The following DGKB variants were observed in gnomAD, a reference collection of about 807,000 sequenced individuals.
DGKB encodes 90 kDa diacylglycerol kinase.
In DGKB, 67 loss-of-function variants were observed where a neutral mutation model predicts 114.3. The observed-to-expected ratio is 0.59, with a 90% confidence interval of 0.48 to 0.72. The LOEUF (loss-of-function observed/expected upper bound fraction) is 0.72, where lower values mean the gene tolerates loss of function less well. Ranked by LOEUF, DGKB falls within the 30% of genes least tolerant of loss-of-function variation. DGKB has a pLI of 0.00. For synonymous variants in DGKB, 398 were observed against 323.1 expected, an observed-to-expected ratio of 1.23 and a Z score of -2.49; for missense variants, 907 against 975.2, an observed-to-expected ratio of 0.93 and a Z score of 0.93.
chr7:14,519,376 T>TA (rs1171670342), intron 20 of DGKB, among the ~76,000 whole-genome samples: 3 of 152,116 alleles, frequency 2.0e-5, no homozygotes, highest in African/African-American at 7.2e-5. Flanking sequence ...TTCCTTCACT[T>TA]ACTATGATGC....
At chr7:14,277,691 C>T (rs944733933) in intron 23 of DGKB, among the ~76,000 whole-genome samples, 3 of 152,196 alleles carry the variant, frequency 2.0e-5, no homozygotes, top group Non-Finnish European at 4.4e-5. Flanking sequence ...GATTCCATAT[C>T]TTAACCACTG....
chr7:14,643,866 C>T (rs1812352125), intron 13 of DGKB, among the ~76,000 whole-genome samples: 1 of 152,144 alleles, frequency 6.6e-6, no homozygotes, highest in Non-Finnish European at 1.5e-5. Flanking sequence ...GGAATTGCTA[C>T]CACTTCAAGC....
intron 20 of DGKB, among the ~76,000 whole-genome samples, chr7:14,567,384 T>TATGA (rs1563535127): frequency 1.4e-4 from 5 of 35,296 alleles, no homozygotes; most frequent in South Asian, 8.5e-4. Flanking sequence ...TATTTATATA[T>TATGA]TATATATATA....
chr7:14,482,909 AT>A (rs11366983), intron 20 of DGKB, among the ~76,000 whole-genome samples: 73,690 of 151,840 alleles, frequency 0.49, 18,483 homozygotes, highest in East Asian at 0.86. Flanking sequence ...TGCTGGGTTG[AT>A]TAAATAGAGC....
intron 12 of DGKB, among the ~76,000 whole-genome samples, chr7:14,680,460 G>A (rs1004367974): frequency 9.2e-5 from 14 of 151,938 alleles, no homozygotes; most frequent in African/African-American, 3.4e-4. Flanking sequence ...CTCTTTTCCT[G>A]TAAGGCTAGG....
chr7:14,893,021 GTAGA>G (rs1221284563), intron 1 of DGKB, among the ~76,000 whole-genome samples: 3 of 150,778 alleles, frequency 2.0e-5, no homozygotes, highest in South Asian at 4.2e-4. Flanking sequence ...TACACTTTTC[GTAGA>G]TATTTAAACA....
chr7:14,745,972 C>T (rs1479072357), intron 4 of DGKB, among the ~76,000 whole-genome samples: 1 of 152,188 alleles, frequency 6.6e-6, no homozygotes, highest in Admixed American at 6.5e-5. Flanking sequence ...GTATAGTTCT[C>T]TCTGGCTCAG....
chr7:14,806,266 T>C (rs1401676631), intron 2 of DGKB, among the ~76,000 whole-genome samples: 2 of 152,086 alleles, frequency 1.3e-5, no homozygotes, highest in Non-Finnish European at 2.9e-5. Flanking sequence ...CCAATTGATA[T>C]TTGAATGGTT....
chr7:14,389,282 G>T (rs942470713), intron 21 of DGKB, among the ~76,000 whole-genome samples: 4 of 152,146 alleles, frequency 2.6e-5, no homozygotes, highest in Admixed American at 1.3e-4. Flanking sequence ...CATAGAAAAT[G>T]CTCCATGTGA....
chr7:14,698,039 A>G (rs563822408), intron 8 of DGKB, 56 bp downstream of exon 8: 63 of 885,868 alleles, frequency 7.1e-5, no homozygotes, highest in Admixed American at 2.5e-4. Flanking sequence ...AAGAAAGAAA[A>G]GAAAGAAAGA....
intron 23 of DGKB, among the ~76,000 whole-genome samples, chr7:14,332,413 G>C (rs544481705): frequency 1.3e-5 from 2 of 150,970 alleles, no homozygotes; most frequent in African/African-American, 4.9e-5. Context: ...GAGTGATTAA[G>C]CTTAAGTATT....
At chr7:14,898,351 T>G (rs1782446549) in intron 1 of DGKB, among the ~76,000 whole-genome samples, 2 of 151,898 alleles carry the variant, frequency 1.3e-5, no homozygotes, top group South Asian at 4.1e-4. Context: ...GTTAGAAGAG[T>G]GGTCTCCAGA....
intron 2 of DGKB, among the ~76,000 whole-genome samples, chr7:14,836,135 C>T (rs76594731): frequency 0.028 from 4,286 of 152,208 alleles, 82 homozygotes; most frequent in Middle Eastern, 0.085. Context: ...GGCTGGGATT[C>T]CACACCGTCA....
intron 2 of DGKB, among the ~76,000 whole-genome samples, chr7:14,820,783 A>T (rs1844814242): frequency 6.6e-6 from 1 of 152,134 alleles, no homozygotes; most frequent in Non-Finnish European, 1.5e-5. Context: ...GACTATGTTA[A>T]CCCAAAATTA....
intron 20 of DGKB, among the ~76,000 whole-genome samples, chr7:14,514,816 G>A (rs1788522031): frequency 6.6e-6 from 1 of 152,084 alleles, no homozygotes; most frequent in African/African-American, 2.4e-5. Context: ...CACATTGGGA[G>A]GCTGAGACAG....
chr7:14,941,902 T>G (rs1243493880), intron 1 of DGKB, among the ~76,000 whole-genome samples: 1 of 152,060 alleles, frequency 6.6e-6, no homozygotes, highest in Non-Finnish European at 1.5e-5. Flanking sequence ...CAACTCAACC[T>G]TTAGTAACAG....
At position 14,876,077 on chromosome 7, in the gene DGKB, G is replaced by A. The variant is rs73287411; in HGVS notation, c.-188+26515C>T. Among the ~76,000 whole-genome samples the A allele has an allele frequency of 9.0e-3, 1,366 of 152,248 alleles. 25 individuals carry two copies. Among genetic ancestry groups the A allele is most frequent in the African/African-American group, 0.031 (1,283 of 41,530 alleles). On this transcript the variant is annotated intron_variant, in intron 1 of 25. Coordinates refer to ENST00000402815, the MANE Select transcript of DGKB (RefSeq NM_001350709.2). ...ACTCCAGAGGCAGGGTTTGGACACC[G>A]TATCAAATTGAGGACTAGCTAAAAC...
At chr7:14,724,621 G>A (rs923350346) in intron 5 of DGKB, among the ~76,000 whole-genome samples, 3 of 152,198 alleles carry the variant, frequency 2.0e-5, no homozygotes, top group African/African-American at 7.2e-5. Context: ...TAAGAGCAGA[G>A]TAACCTCTGT....
At chr7:14,793,092 A>G (rs1175132940) in intron 2 of DGKB, among the ~76,000 whole-genome samples, 1 of 152,144 alleles carries the variant, frequency 6.6e-6, no homozygotes, top group Non-Finnish European at 1.5e-5. Context: ...TGCGTATGTA[A>G]TACACATTTT....
Sources: allele counts gnomAD v4.1 joint callset (sites outside exome capture counted in the v4.1 genomes callset), GRCh38; gene constraint gnomAD v4.1.1; transcripts MANE v1.5; gene names NCBI Gene and HGNC (gene_info 2026-07-23, HGNC 2026-07-21).